FOXP1: variants seen among roughly 807,000 people sequenced by gnomAD.
The protein encoded by FOXP1 is forkhead box P1.
FOXP1 carries 15 observed loss-of-function variants against 98.2 expected under a neutral mutation model. That is an observed-to-expected ratio of 0.15 (90% CI 0.10 to 0.24). The LOEUF is 0.24. Among genes scored for constraint, FOXP1 ranks in the 10% least tolerant of loss-of-function variants. The probability of loss-of-function intolerance (pLI) is 1.00; values close to 1 mark genes in which losing one functional copy is unlikely to be tolerated. For missense variants in FOXP1, 633 were observed against 848.5 expected, an observed-to-expected ratio of 0.75 and a Z score of 3.15; for synonymous variants, 371 against 314.5, an observed-to-expected ratio of 1.18 and a Z score of -1.90.
At chr3:71,533,089 A>C (rs143345800) in intron 2 of FOXP1, among the ~76,000 whole-genome samples, 5 of 152,396 alleles carry the variant, frequency 3.3e-5, no homozygotes, top group Admixed American at 3.3e-4. Flanking sequence ...GCGGCCAGTG[A>C]GAACTCAACT....
chr3:71,179,253 C>A (rs888212173), intron 6 of FOXP1, among the ~76,000 whole-genome samples: 7 of 151,184 alleles, frequency 4.6e-5, no homozygotes, highest in East Asian at 2.0e-4. Flanking sequence ...CTCAGCCTCC[C>A]GAGTAGCTGG....
At chr3:71,239,196 C>T (rs1221902327) in intron 5 of FOXP1, among the ~76,000 whole-genome samples, 3 of 152,096 alleles carry the variant, frequency 2.0e-5, no homozygotes, top group Non-Finnish European at 4.4e-5. Flanking sequence ...AAAATTTCCA[C>T]ACTATTATAT....
chr3:71,431,609 A>G (rs2084728321), intron 3 of FOXP1, among the ~76,000 whole-genome samples: 2 of 152,218 alleles, frequency 1.3e-5, no homozygotes, highest in South Asian at 2.1e-4. Context: ...CTGGTCCCAC[A>G]CAGCCCCATT....
rs375670056 is a variant in FOXP1 at position 71,381,153 on chromosome 3, C to CTTT, written c.-167-21912_-167-21910dup. On this transcript the variant is annotated intron_variant, in intron 3 of 20. Coordinates refer to ENST00000649528, the MANE Select transcript of FOXP1 (RefSeq NM_001349338.3). ...AGAAACCTGAGACATGAGGTTCTCTCTTTTTTTTTTTTTTTGAGATGGAGT... is the reference window on the plus strand; with the variant it reads ...AGAAACCTGAGACATGAGGTTCTCTCTTTTTTTTTTTTTTTTTTGAGATGGAGT... 1.1e-3 allele frequency among the ~76,000 whole-genome samples: 154 copies of CTTT among 139,618 alleles called. 4 individuals carry two copies. Among genetic ancestry groups the CTTT allele is most frequent in the Admixed American group, 1.7e-3 (23 of 13,852 alleles). 91.6% of individuals were successfully genotyped at this position (139,618 alleles called of 152,430 possible).
At chr3:71,016,319 A>G (rs1239221114) in intron 11 of FOXP1, among the ~76,000 whole-genome samples, 3 of 152,170 alleles carry the variant, frequency 2.0e-5, no homozygotes, top group African/African-American at 7.2e-5. Flanking sequence ...TGGGGTTCCA[A>G]TCAATACGTA....
At chr3:71,299,961 C>T (rs2073704710) in intron 4 of FOXP1, 81 bp from the exon 5 acceptor site, 1 of 152,574 alleles carries the variant, frequency 6.6e-6, no homozygotes, top group Non-Finnish European at 1.5e-5. Flanking sequence ...ACAAGGAAAA[C>T]AACAAAAGCA....
chr3:71,158,962 T>C (rs1293179341), intron 6 of FOXP1, among the ~76,000 whole-genome samples: 1 of 151,854 alleles, frequency 6.6e-6, no homozygotes, highest in Admixed American at 6.6e-5. Context: ...AAAAATGATC[T>C]GGGCAAGATG....
chr3:71,367,608 C>T (rs1325240129), intron 3 of FOXP1, among the ~76,000 whole-genome samples: 4 of 152,118 alleles, frequency 2.6e-5, no homozygotes, highest in Non-Finnish European at 5.9e-5. Context: ...GGTAAAACAA[C>T]ATATCTTTAC....
intron 6 of FOXP1, among the ~76,000 whole-genome samples, chr3:71,150,738 C>G (rs550827456): frequency 6.6e-6 from 1 of 152,186 alleles, no homozygotes; most frequent in Admixed American, 6.5e-5. Context: ...TGCTTATTTT[C>G]CAGTTATGAA....
At chr3:71,186,364 G>C (rs1050889594) in intron 6 of FOXP1, among the ~76,000 whole-genome samples, 7 of 152,166 alleles carry the variant, frequency 4.6e-5, no homozygotes, top group Non-Finnish European at 7.3e-5. Flanking sequence ...GAGGAATGAT[G>C]ACAATTAGAA....
chr3:70,961,497 C>T (rs2033497791), intron 20 of FOXP1, among the ~76,000 whole-genome samples: 1 of 152,158 alleles, frequency 6.6e-6, no homozygotes, highest in African/African-American at 2.4e-5. Flanking sequence ...TCCCAAACTG[C>T]TGGGATTACA....
At chr3:71,085,507 A>G (rs997200963) in intron 7 of FOXP1, among the ~76,000 whole-genome samples, 1 of 151,602 alleles carries the variant, frequency 6.6e-6, no homozygotes. Context: ...AGTTTCATTT[A>G]TTTTCCTGTT....
At chr3:70,999,456 A>G (rs1183262513) in intron 13 of FOXP1, among the ~76,000 whole-genome samples, 1 of 152,136 alleles carries the variant, frequency 6.6e-6, no homozygotes, top group African/African-American at 2.4e-5. Context: ...TACATCTACT[A>G]CTGTTTTTTT....
intron 11 of FOXP1, among the ~76,000 whole-genome samples, chr3:71,021,008 C>A (rs916812219): frequency 2.6e-5 from 4 of 152,166 alleles, no homozygotes; most frequent in African/African-American, 9.7e-5. Flanking sequence ...GGTTGTTCTC[C>A]ACTCACTCAA....
chr3:71,386,229 T>C (rs1031586269), intron 3 of FOXP1, among the ~76,000 whole-genome samples: 2 of 152,202 alleles, frequency 1.3e-5, no homozygotes, highest in Non-Finnish European at 2.9e-5. Context: ...CTTTGAAATA[T>C]GACAGATGAA....
intron 3 of FOXP1, among the ~76,000 whole-genome samples, chr3:71,409,685 T>C (rs1171459110): frequency 6.6e-6 from 1 of 152,100 alleles, no homozygotes; most frequent in Non-Finnish European, 1.5e-5. Flanking sequence ...GCCCAGCAGT[T>C]AGGGGTTTTA....
chr3:71,308,701 C>T (rs1432161710), intron 4 of FOXP1, among the ~76,000 whole-genome samples: 1 of 149,436 alleles, frequency 6.7e-6, no homozygotes, highest in African/African-American at 2.5e-5. Context: ...AAAAAATAAA[C>T]TGGAACTGTA....
At chr3:71,454,251 C>T (rs1442434317) in intron 3 of FOXP1, among the ~76,000 whole-genome samples, 2 of 152,122 alleles carry the variant, frequency 1.3e-5, no homozygotes, top group African/African-American at 4.8e-5. Flanking sequence ...AACTATACTC[C>T]TACAGCGTGA....
intron 5 of FOXP1, among the ~76,000 whole-genome samples, chr3:71,211,782 G>A (rs1576402041): frequency 6.6e-6 from 1 of 152,140 alleles, no homozygotes; most frequent in Admixed American, 6.5e-5. Context: ...GGACACCGGA[G>A]CTAGTTTCCC....
Sources: gnomAD v4.1 joint callset for allele counts (sites outside exome capture counted in the v4.1 genomes callset) on GRCh38, gnomAD v4.1.1 for gene constraint, MANE v1.5 for transcripts, NCBI Gene and HGNC (gene_info 2026-07-23, HGNC 2026-07-21) for gene names.